The following POLR1D variants were observed in gnomAD, a reference collection of about 807,000 sequenced individuals.
POLR1D encodes DNA-directed RNA polymerases I and III subunit RPAC2.
Under a neutral mutation model 10.8 loss-of-function variants are expected in POLR1D, and 8 were observed. That is an observed-to-expected ratio of 0.74 (90% CI 0.43 to 1.33). The LOEUF is 1.33. Ranked by LOEUF, POLR1D falls within the 40% of genes most tolerant of loss-of-function variation. POLR1D has a pLI of 0.01. For synonymous variants in POLR1D, 54 were observed against 57.2 expected (o/e 0.94, Z 0.25); for missense variants, 152 against 161.7 (o/e 0.94, Z 0.32).
chr13:27,665,560 G>A (rs763083065), intron 2 of POLR1D: 74 of 862,436 alleles, frequency 8.6e-5, no homozygotes, highest in Non-Finnish European at 1.3e-4. Flanking sequence ...TGCAAGGAAA[G>A]CTAACAAATT....
chr13:27,641,457 T>C (rs559342596), intron 1 of POLR1D, among the ~76,000 whole-genome samples: 1 of 150,558 alleles, frequency 6.6e-6, no homozygotes, highest in African/African-American at 2.4e-5. Context: ...TCATGGAATA[T>C]ATACGAAATA....
chr13:27,656,038 A>G (rs183658079), intron 2 of POLR1D, among the ~76,000 whole-genome samples: 3 of 147,938 alleles, frequency 2.0e-5, no homozygotes, highest in African/African-American at 4.9e-5. Context: ...AACATACAAA[A>G]TATGAATCTT....
At chr13:27,660,268 G>C (rs1956351134) in intron 2 of POLR1D, among the ~76,000 whole-genome samples, 1 of 152,196 alleles carries the variant, frequency 6.6e-6, no homozygotes, top group African/African-American at 2.4e-5. Context: ...AGAGTTGGGA[G>C]AGTTAGGCCT....
chr13:27,621,907 C>G lies in POLR1D; in HGVS notation c.-77C>G. 2 of 1,473,514 alleles carry G rather than the reference C, an allele frequency of 1.4e-6. No individual in the cohort carries two copies. Among genetic ancestry groups the G allele is most frequent in the South Asian group, 1.2e-5 (1 of 83,006 alleles). 91.3% of individuals were successfully genotyped at this position (1,473,514 alleles called of 1,614,324 possible). ...GTCGGTCGGTCCTTGCTTCCTGCTT[C>G]GCCTCCGCGCCTCGCGCTATGGGAC... On this transcript the variant is annotated 5_prime_UTR_variant, in exon 1 of 2. Transcript: ENST00000302979.
At chr13:27,652,911 C>CTTTTT (rs71083685) in intron 2 of POLR1D, among the ~76,000 whole-genome samples, 20 of 89,334 alleles carry the variant, frequency 2.2e-4, no homozygotes, top group African/African-American at 7.3e-4. Context: ...TTTACCATTT[C>CTTTTT]TTTTTTTTTT....
At chr13:27,622,718 T>C (rs1450262084) in intron 1 of POLR1D, 157 bp from the exon 2 acceptor site, 1 of 612,414 alleles carries the variant, frequency 1.6e-6, no homozygotes, top group African/African-American at 1.9e-5. Flanking sequence ...TATTTATTGA[T>C]AGAGTTTGTG....
chr13:27,653,457 T>A (rs933450589), intron 2 of POLR1D, among the ~76,000 whole-genome samples: 2 of 152,156 alleles, frequency 1.3e-5, no homozygotes, highest in Non-Finnish European at 2.9e-5. Flanking sequence ...CTCCAGATTG[T>A]AAGAGGTGGA....
At chr13:27,623,458 A>G, downstream of POLR1D, 9 of 1,163,838 alleles carry the variant, frequency 7.7e-6, no homozygotes, top group Non-Finnish European at 1.0e-5. Context: ...AACTAGTTTG[A>G]CTGGTTTCTG....
intron 1 of POLR1D, among the ~76,000 whole-genome samples, chr13:27,622,609 T>G (rs1324746801): frequency 6.6e-6 from 1 of 152,200 alleles, no homozygotes; most frequent in Non-Finnish European, 1.5e-5. Flanking sequence ...AAAAATATTT[T>G]TGCAAACACT....
intron 1 of POLR1D, among the ~76,000 whole-genome samples, chr13:27,630,933 CT>C (rs1956066463): frequency 6.6e-6 from 1 of 152,164 alleles, no homozygotes; most frequent in Non-Finnish European, 1.5e-5. Flanking sequence ...GGCCTTCTCA[CT>C]TTTATGCATA....
chr13:27,632,557 C>T (rs530231376), intron 1 of POLR1D, among the ~76,000 whole-genome samples: 30 of 152,182 alleles, frequency 2.0e-4, no homozygotes, highest in Non-Finnish European at 3.4e-4. Flanking sequence ...GTTTGCAATC[C>T]GACTAGACCA....
chr13:27,662,708 G>A (rs945162528), intron 2 of POLR1D, among the ~76,000 whole-genome samples: 4 of 152,172 alleles, frequency 2.6e-5, no homozygotes, highest in South Asian at 2.1e-4. Context: ...TGGGGGAAAC[G>A]AATGCAAAGA....
Position 27,646,392 on chromosome 13 carries a change from C to T in POLR1D, c.27-1987C>T, listed in dbSNP as rs117270839. 5.3e-3 allele frequency among the ~76,000 whole-genome samples: 810 copies of T among 152,160 alleles called. 6 individuals carry two copies. Among genetic ancestry groups the T allele is most frequent in the South Asian group, 0.024 (115 of 4,824 alleles). On this transcript the variant is annotated intron_variant, in intron 1 of 2. Coordinates refer to the POLR1D transcript ENST00000399697. ...GCTTGAACTGTAAGAGACAAAGTCC[C>T]CAGATCATTTCAGCAGGCCATATCA...
intron 2 of POLR1D, chr13:27,650,399 G>T (rs143278389): frequency 5.3e-4 from 118 of 224,392 alleles, no homozygotes; most frequent in African/African-American, 2.4e-3. Flanking sequence ...TGGATGGATG[G>T]ATTACATGAC....
chr13:27,656,617 G>A (rs1396136354), intron 2 of POLR1D, among the ~76,000 whole-genome samples: 1 of 152,192 alleles, frequency 6.6e-6, no homozygotes, highest in East Asian at 1.9e-4. Flanking sequence ...TAATCCAGTG[G>A]AGATGAAGGG....
chr13:27,665,802 C>T, exon 3 of POLR1D: 3 of 1,614,054 alleles, frequency 1.9e-6, no homozygotes, highest in East Asian at 4.5e-5. Context: ...AAGGAACCAG[C>T]GAAGAGCCAG....
Position 27,623,368 on chromosome 13 carries a change from T to G in POLR1D, c.*118T>G. 1 of 1,540,388 alleles carries G rather than the reference T, an allele frequency of 6.5e-7. No individual in the cohort carries two copies. On this transcript the variant is annotated 3_prime_UTR_variant, in exon 2 of 2. Transcript: ENST00000302979. ...ACTCTGTCCTTCAGAAAGGCGTGAT[T>G]CTAGCTGTTGACCCCTTGCAGCTGT...
intron 1 of POLR1D, among the ~76,000 whole-genome samples, chr13:27,635,152 CAAAT>C (rs912968209): frequency 3.9e-5 from 6 of 152,096 alleles, no homozygotes; most frequent in African/African-American, 7.2e-5. Flanking sequence ...TGAAAAGAAT[CAAAT>C]GAATGAGAGA....
chr13:27,666,767 A>G (rs1017276866), exon 3 of POLR1D: 1 of 152,168 alleles, frequency 6.6e-6, no homozygotes, highest in African/African-American at 2.4e-5. Context: ...AGTGTTTACA[A>G]TGCCTTTTTT....
Sources: gnomAD v4.1 joint callset for allele counts (sites outside exome capture counted in the v4.1 genomes callset) on GRCh38, gnomAD v4.1.1 for gene constraint, MANE v1.5 for transcripts, NCBI Gene and HGNC (gene_info 2026-07-23, HGNC 2026-07-21) for gene names.